ARHGEF9: variants seen among roughly 807,000 people sequenced by gnomAD.
ARHGEF9 encodes rho guanine nucleotide exchange factor 9.
ARHGEF9 carries 2 observed loss-of-function variants against 41.3 expected under a neutral mutation model. That is an observed-to-expected ratio of 0.05 (90% CI 0.02 to 0.15). The LOEUF (loss-of-function observed/expected upper bound fraction) is 0.15, where lower values mean the gene tolerates loss of function less well. Among genes scored for constraint, ARHGEF9 ranks in the 10% least tolerant of loss-of-function variants. The pLI is 1.00. For synonymous variants in ARHGEF9, 160 were observed against 154.4 expected (o/e 1.04, Z -0.27); for missense variants, 225 against 424.7 (o/e 0.53, Z 4.13).
chrX:63,639,340 T>C (rs1556302951), intron 9 of ARHGEF9: 2 of 111,867 alleles, frequency 1.8e-5, no homozygotes, highest in Non-Finnish European at 3.8e-5. Flanking sequence ...TACGCAGATA[T>C]TAGAGAGGGA....
At chrX:63,754,987 C>T (rs1205852749) in intron 1 of ARHGEF9, 2 of 937,094 alleles carry the variant, frequency 2.1e-6, no homozygotes, top group Non-Finnish European at 2.6e-6. Flanking sequence ...GCCTGGCTAC[C>T]GGTCAGTCTC....
chrX:63,686,255 T>A (rs1393597217), intron 4 of ARHGEF9, among the ~76,000 whole-genome samples: 1 of 111,856 alleles, frequency 8.9e-6, no homozygotes, highest in African/African-American at 3.2e-5. Context: ...TTAAGTGAAA[T>A]AAGCCAGGCA....
intron 8 of ARHGEF9, among the ~76,000 whole-genome samples, chrX:63,645,078 T>TA (rs1463141792): frequency 9.0e-6 from 1 of 110,706 alleles, no homozygotes; most frequent in Non-Finnish European, 1.9e-5. Flanking sequence ...CCCAGTGTAA[T>TA]AGTCTTCTGA....
chrX:63,653,078 G>A (rs1602240500), intron 8 of ARHGEF9, among the ~76,000 whole-genome samples: 1 of 111,492 alleles, frequency 9.0e-6, no homozygotes, highest in East Asian at 2.8e-4. Context: ...CCAGTCTCAG[G>A]TATTTATAGC....
chrX:63,779,907 C>T (rs73225271), intron 1 of ARHGEF9, among the ~76,000 whole-genome samples: 25 of 111,745 alleles, frequency 2.2e-4, no homozygotes, highest in Non-Finnish European at 4.5e-4. Flanking sequence ...TTTAGGTGTA[C>T]ACTTGCCACC....
At chrX:63,720,736 C>T (rs1417738767) in intron 2 of ARHGEF9, among the ~76,000 whole-genome samples, 1 of 112,159 alleles carries the variant, frequency 8.9e-6, no homozygotes, top group African/African-American at 3.2e-5. Flanking sequence ...GTAGGGTGAC[C>T]AATGGCAACA....
chrX:63,647,516 T>C (rs2048196322), intron 8 of ARHGEF9, among the ~76,000 whole-genome samples: 1 of 111,982 alleles, frequency 8.9e-6, no homozygotes, highest in Admixed American at 9.5e-5. Flanking sequence ...TGGTTCTGTT[T>C]ATATGCTGGA....
At chrX:63,751,780 A>G (rs2055649479) in intron 1 of ARHGEF9, among the ~76,000 whole-genome samples, 1 of 110,835 alleles carries the variant, frequency 9.0e-6, no homozygotes, top group Non-Finnish European at 1.9e-5. Flanking sequence ...GTGGAACTCA[A>G]TACTGTCTTT....
chrX:63,702,262 A>T (rs2052235619), intron 3 of ARHGEF9, among the ~76,000 whole-genome samples: 1 of 112,426 alleles, frequency 8.9e-6, no homozygotes, highest in African/African-American at 3.2e-5. Flanking sequence ...AGCTTTATAA[A>T]GCATCGTTAG....
chrX:63,762,056 G>A (rs782496169), intron 1 of ARHGEF9, among the ~76,000 whole-genome samples: 3 of 111,727 alleles, frequency 2.7e-5, no homozygotes, highest in South Asian at 7.5e-4. Flanking sequence ...GTGGTGGGGA[G>A]TGAACATTTC....
intron 3 of ARHGEF9, among the ~76,000 whole-genome samples, chrX:63,704,990 T>A (rs2052432356): frequency 8.9e-6 from 1 of 112,742 alleles, no homozygotes; most frequent in Non-Finnish European, 1.9e-5. Flanking sequence ...TACTGTTCAA[T>A]GTGGCTGTCA....
intron 2 of ARHGEF9, chrX:63,712,801 T>C (rs1330221082): frequency 8.9e-6 from 1 of 111,769 alleles, no homozygotes; most frequent in African/African-American, 3.2e-5. Context: ...ATCCTAACCA[T>C]ATTCTACCTC....
chrX:63,655,895 C>T (rs1179798321), intron 7 of ARHGEF9, among the ~76,000 whole-genome samples, 158 bp from the exon 8 acceptor site: 1 of 111,821 alleles, frequency 8.9e-6, no homozygotes, highest in Non-Finnish European at 1.9e-5. Context: ...AGTAGTCTGA[C>T]ACTGACAGGT....
At chrX:63,769,119 C>T (rs782715153) in intron 1 of ARHGEF9, among the ~76,000 whole-genome samples, 4 of 111,889 alleles carry the variant, frequency 3.6e-5, no homozygotes, top group Non-Finnish European at 5.6e-5. Context: ...ACTTGTTACA[C>T]GGCTTTGCCC....
intron 2 of ARHGEF9, among the ~76,000 whole-genome samples, chrX:63,720,995 T>G (rs1395530223): frequency 3.6e-5 from 4 of 111,642 alleles, no homozygotes; most frequent in African/African-American, 9.8e-5. Flanking sequence ...GGGGCATGGA[T>G]CTCCCAGTTG....
chrX:63,647,850 C>T (rs1280587141), intron 8 of ARHGEF9, among the ~76,000 whole-genome samples: 1 of 111,133 alleles, frequency 9.0e-6, no homozygotes, highest in Admixed American at 9.6e-5. Flanking sequence ...GGCTGTGAAT[C>T]CGTCTGGTCC....
intron 2 of ARHGEF9, among the ~76,000 whole-genome samples, chrX:63,712,285 G>A (rs1302132393): frequency 8.9e-6 from 1 of 111,785 alleles, no homozygotes; most frequent in Non-Finnish European, 1.9e-5. Flanking sequence ...GTACTCAAGA[G>A]AAATAAAAAC....
chrX:63,678,277 T>C, intron 5 of ARHGEF9, 63 bp downstream of exon 5: 1 of 972,037 alleles, frequency 1.0e-6, no homozygotes, highest in South Asian at 2.1e-5. Context: ...ACATGTATTC[T>C]CAATGAGAAC....
intron 1 of ARHGEF9, chrX:63,754,689 G>A: frequency 2.8e-5 from 27 of 961,306 alleles, no homozygotes; most frequent in Non-Finnish European, 3.5e-5. Context: ...AGAAAGGAGA[G>A]GAGGAAGTAG....
Sources: allele counts gnomAD v4.1 joint callset (sites outside exome capture counted in the v4.1 genomes callset), GRCh38; gene constraint gnomAD v4.1.1; transcripts MANE v1.5; gene names NCBI Gene and HGNC (gene_info 2026-07-23, HGNC 2026-07-21).